Variants in MYO18B observed in about 807,000 individuals in gnomAD.
The protein encoded by MYO18B is myosin XVIIIB.
In MYO18B, 204 loss-of-function variants were observed where a neutral mutation model predicts 273.0. That is an observed-to-expected ratio of 0.75 (90% CI 0.67 to 0.84). The LOEUF (loss-of-function observed/expected upper bound fraction) is 0.84, where lower values mean the gene tolerates loss of function less well. Among genes scored for constraint, MYO18B ranks in the 40% least tolerant of loss-of-function variants. The probability of loss-of-function intolerance (pLI) is 0.00; values close to 1 mark genes in which losing one functional copy is unlikely to be tolerated. For missense variants in MYO18B, 3,212 were observed against 3,287.6 expected, an observed-to-expected ratio of 0.98 and a Z score of 0.56; for synonymous variants, 1,330 against 1,305.7, an observed-to-expected ratio of 1.02 and a Z score of -0.40.
chr22:25,913,520 C>A (rs777775971), intron 33 of MYO18B, among the ~76,000 whole-genome samples: 1 of 152,144 alleles, frequency 6.6e-6, no homozygotes. Context: ...CCCGCCACCA[C>A]GCCTGGCTAA....
rs1391127279 is a variant in MYO18B at position 25,979,352 on chromosome 22, G to T, written c.6157-13011G>T. Among the ~76,000 whole-genome samples the T allele has an allele frequency of 2.0e-5, 3 of 152,172 alleles. No homozygotes were observed. The East Asian group carries it at 5.8e-4, about 29-fold the overall frequency. On this transcript the variant is annotated intron_variant, in intron 39 of 43. Coordinates refer to ENST00000335473, the MANE Select transcript of MYO18B (RefSeq NM_032608.7). The stretch of plus-strand genomic sequence containing the variant: ...TTTGCAGTTGAGACTTAATTATGTT[G>T]ATATAATTATTCCCCTGTCAGGAAA...
intron 42 of MYO18B, among the ~76,000 whole-genome samples, chr22:26,005,326 G>A (rs1029563034): frequency 3.3e-5 from 5 of 151,822 alleles, no homozygotes; most frequent in African/African-American, 9.7e-5. Flanking sequence ...AAAGAAATTG[G>A]GCCAGATGAT....
intron 32 of MYO18B, among the ~76,000 whole-genome samples, chr22:25,909,356 T>A (rs1306004258): frequency 1.3e-5 from 2 of 152,232 alleles, no homozygotes; most frequent in African/African-American, 4.8e-5. Context: ...TTTGTTATTT[T>A]GTGTGTTTTT....
intron 12 of MYO18B, among the ~76,000 whole-genome samples, chr22:25,821,186 G>C (rs1028805842): frequency 2.0e-5 from 3 of 152,176 alleles, no homozygotes; most frequent in Non-Finnish European, 4.4e-5. Flanking sequence ...TAAATGCCCA[G>C]TAGTGGGATT....
chr22:25,837,999 A>T (rs2089957801), intron 17 of MYO18B, among the ~76,000 whole-genome samples: 1 of 152,160 alleles, frequency 6.6e-6, no homozygotes, highest in African/African-American at 2.4e-5. Context: ...CCCAGCATCC[A>T]GTAGCTCTTC....
chr22:25,940,379 C>A (rs536815800), intron 34 of MYO18B, among the ~76,000 whole-genome samples: 2 of 152,168 alleles, frequency 1.3e-5, no homozygotes, highest in Non-Finnish European at 2.9e-5. Flanking sequence ...TGCCTTCTGC[C>A]GTGATTTTGA....
chr22:26,056,757 G>A, the MYO18B span, among the ~76,000 whole-genome samples: 9 of 152,192 alleles, frequency 5.9e-5, no homozygotes, highest in Admixed American at 4.6e-4. Flanking sequence ...ACAGCTACCA[G>A]GGAAGAATCT....
chr22:25,889,403 A>G (rs1297423907), intron 25 of MYO18B, among the ~76,000 whole-genome samples: 2 of 152,110 alleles, frequency 1.3e-5, no homozygotes, highest in Non-Finnish European at 2.9e-5. Context: ...GCATTCTAAC[A>G]TCTTCACATG....
rs577099393 is a variant in MYO18B at position 25,898,773 on chromosome 22, C to T, written c.4823+312C>T. The stretch of plus-strand genomic sequence containing the variant: ...AAGGGTTTGTTGCAGACGGTCAAGA[C>T]AGCATGGCGATTAGGAGCCCAGGCA... On this transcript the variant is annotated intron_variant, in intron 29 of 43. Transcript: ENST00000335473. 1.4e-5 allele frequency: 4 copies of T among 282,376 alleles called. No homozygotes were observed. In the East Asian group the frequency reaches 2.3e-4, roughly 16 times the overall value. 17.5% of individuals were successfully genotyped at this position (282,376 alleles called of 1,614,324 possible).
chr22:25,824,968 G>C (rs1053125166), intron 13 of MYO18B, among the ~76,000 whole-genome samples: 3 of 151,888 alleles, frequency 2.0e-5, no homozygotes, highest in African/African-American at 7.3e-5. Context: ...AGCATACACA[G>C]CACACACACA....
chr22:25,771,807 C>T (rs1409485619), intron 6 of MYO18B, among the ~76,000 whole-genome samples: 3 of 152,220 alleles, frequency 2.0e-5, no homozygotes, highest in Admixed American at 6.5e-5. Flanking sequence ...TTTTAAGAAG[C>T]AGCTTCACAT....
chr22:25,816,345 T>C (rs772380205), intron 12 of MYO18B, among the ~76,000 whole-genome samples: 73 of 152,266 alleles, frequency 4.8e-4, no homozygotes, highest in Non-Finnish European at 9.8e-4. Context: ...TCATTCATTC[T>C]TCTTTTATTT....
At chr22:25,842,922 G>T (rs2090127390) in intron 17 of MYO18B, among the ~76,000 whole-genome samples, 1 of 152,166 alleles carries the variant, frequency 6.6e-6, no homozygotes, top group Non-Finnish European at 1.5e-5. Flanking sequence ...CATCAGCAAA[G>T]GTTTAAGTGC....
chr22:25,871,554 G>A (rs950821965), intron 22 of MYO18B, among the ~76,000 whole-genome samples: 3 of 152,160 alleles, frequency 2.0e-5, no homozygotes, highest in African/African-American at 4.8e-5. Context: ...AACAGTTTGC[G>A]TGGTTTTGTC....
intron 42 of MYO18B, among the ~76,000 whole-genome samples, chr22:26,006,066 A>G (rs1934388955): frequency 6.6e-6 from 1 of 152,248 alleles, no homozygotes; most frequent in African/African-American, 2.4e-5. Flanking sequence ...TCTGAAAACT[A>G]AATACCTTTG....
At chr22:25,990,402 G>A (rs1467561359) in intron 39 of MYO18B, among the ~76,000 whole-genome samples, 1 of 152,154 alleles carries the variant, frequency 6.6e-6, no homozygotes, top group South Asian at 2.1e-4. Flanking sequence ...AAAGAAAAAT[G>A]AGGCCGGGTG....
the MYO18B span, among the ~76,000 whole-genome samples, chr22:26,044,166 A>C: frequency 6.6e-6 from 1 of 152,162 alleles, no homozygotes; most frequent in East Asian, 1.9e-4. Flanking sequence ...AGGTTTTGTT[A>C]ATTGAGTTGC....
chr22:25,799,692 G>A (rs1389763427), intron 12 of MYO18B, among the ~76,000 whole-genome samples: 1 of 152,126 alleles, frequency 6.6e-6, no homozygotes, highest in Non-Finnish European at 1.5e-5. Flanking sequence ...CGGGCCCTGT[G>A]GCCTATTCCT....
chr22:25,804,504 C>T (rs934564164), intron 12 of MYO18B, among the ~76,000 whole-genome samples: 9 of 152,222 alleles, frequency 5.9e-5, no homozygotes, highest in Non-Finnish European at 1.2e-4. Flanking sequence ...AGTGATGGAG[C>T]ACAAAGCTGC....
Sources: gnomAD v4.1 joint callset for allele counts (sites outside exome capture counted in the v4.1 genomes callset) on GRCh38, gnomAD v4.1.1 for gene constraint, MANE v1.5 for transcripts, NCBI Gene and HGNC (gene_info 2026-07-23, HGNC 2026-07-21) for gene names.